SGCZ: variants seen among roughly 807,000 people sequenced by gnomAD.
SGCZ encodes the protein zeta-sarcoglycan.
In SGCZ, 40 loss-of-function variants were observed where a neutral mutation model predicts 41.3. The observed-to-expected ratio is 0.97, with a 90% CI of 0.75 to 1.26. The LOEUF is 1.26. SGCZ is among the 50% of genes most tolerant of loss of function. The probability of loss-of-function intolerance (pLI) is 0.00; values close to 1 mark genes in which losing one functional copy is unlikely to be tolerated. For synonymous variants in SGCZ, 206 were observed against 137.5 expected (o/e 1.50, Z -3.49); for missense variants, 552 against 369.8 (o/e 1.49, Z -4.04).
chr8:14,142,387 A>G (rs1243962742), intron 5 of SGCZ, among the ~76,000 whole-genome samples: 2 of 152,212 alleles, frequency 1.3e-5, no homozygotes, highest in African/African-American at 4.8e-5. Context: ...AAATTCTAAC[A>G]GGAACAGGAG....
At chr8:14,510,265 G>C (rs186356076) in intron 2 of SGCZ, among the ~76,000 whole-genome samples, 38 of 152,222 alleles carry the variant, frequency 2.5e-4, no homozygotes, top group Non-Finnish European at 5.0e-4. Flanking sequence ...TGGTGGAGTA[G>C]AAAGTAAACT....
chr8:14,761,590 A>C (rs1029264007), intron 1 of SGCZ, among the ~76,000 whole-genome samples: 5 of 149,590 alleles, frequency 3.3e-5, no homozygotes, highest in African/African-American at 1.2e-4. Flanking sequence ...GGAGTGCAGC[A>C]GCGTGGCTCA....
At chr8:14,099,159 C>G (rs2116972665) in intron 7 of SGCZ, among the ~76,000 whole-genome samples, 1 of 152,232 alleles carries the variant, frequency 6.6e-6, no homozygotes, top group South Asian at 2.1e-4. Context: ...CATAGCATTC[C>G]TGCACCTACC....
rs191426827 is a variant in SGCZ at position 15,044,070 on chromosome 8, T to C, written c.39+193515A>G. Among the ~76,000 whole-genome samples, 469 of 152,310 alleles carry C rather than the reference T, an allele frequency of 3.1e-3. 2 individuals carry two copies. The highest frequency in any genetic ancestry group is 0.017 in the Middle Eastern group (5 of 294). On this transcript the variant is annotated intron_variant, in intron 1 of 7. Coordinates refer to ENST00000382080, the MANE Select transcript of SGCZ (RefSeq NM_139167.4). Reference sequence around the variant, plus strand: ...CAAAATAAAGCTTAATTGCTATCCCTGTATTTGCATATTATTTAGATGTTG... The same window carrying C: ...CAAAATAAAGCTTAATTGCTATCCCCGTATTTGCATATTATTTAGATGTTG...
intron 3 of SGCZ, among the ~76,000 whole-genome samples, chr8:14,241,833 T>A (rs943563264): frequency 1.5e-4 from 23 of 152,234 alleles, no homozygotes; most frequent in African/African-American, 5.5e-4. Context: ...ATTTTCTAAC[T>A]GTTAGATAAA....
intron 2 of SGCZ, among the ~76,000 whole-genome samples, chr8:14,515,205 G>C (rs1270497982): frequency 6.6e-6 from 1 of 151,862 alleles, no homozygotes; most frequent in East Asian, 1.9e-4. Flanking sequence ...GAACTTCTAG[G>C]CTACTGACAT....
Position 14,816,173 on chromosome 8 carries a change from C to T in SGCZ, c.40-261247G>A, listed in dbSNP as rs894547561. Among the ~76,000 whole-genome samples, 4 of 152,164 alleles carry T rather than the reference C, an allele frequency of 2.6e-5. No homozygotes were observed. The East Asian group carries it at 5.8e-4, about 22-fold the overall frequency. ...TCGAAGATGCAGTGGGAATTAGACA[C>T]TTTCATCATCTCTCAATGCAGTCTC... On this transcript the variant is annotated intron_variant, in intron 1 of 7. Transcript: ENST00000382080.
intron 1 of SGCZ, among the ~76,000 whole-genome samples, chr8:14,899,677 C>A (rs531968134): frequency 1.3e-5 from 2 of 152,042 alleles, no homozygotes; most frequent in Non-Finnish European, 2.9e-5. Context: ...GTAATACAAT[C>A]AGGTTCTTTT....
At position 14,123,234 on chromosome 8, in the gene SGCZ, T is replaced by G. The variant is rs117137662; in HGVS notation, c.548-14999A>C. Among the ~76,000 whole-genome samples, 714 of 152,332 alleles carry G rather than the reference T, an allele frequency of 4.7e-3. 1 individual carries two copies. Among genetic ancestry groups the G allele is most frequent in the Non-Finnish European group, 7.5e-3 (511 of 68,012 alleles). On this transcript the variant is annotated intron_variant, in intron 5 of 7. Transcript: ENST00000382080. Reference sequence around the variant, plus strand: ...ACAGACTGATTCTGAAAGTTTGTTTTGATTCACTTGTCTTAAAGACCGAAA... The same window carrying G: ...ACAGACTGATTCTGAAAGTTTGTTTGGATTCACTTGTCTTAAAGACCGAAA...
At chr8:14,621,230 T>G (rs1806274472) in intron 1 of SGCZ, among the ~76,000 whole-genome samples, 1 of 133,916 alleles carries the variant, frequency 7.5e-6, no homozygotes, top group Admixed American at 9.1e-5. Context: ...AGGTGGGAAT[T>G]GAACAATGAG....
chr8:14,947,349 G>A (rs1422148256), intron 1 of SGCZ, among the ~76,000 whole-genome samples: 2 of 152,166 alleles, frequency 1.3e-5, no homozygotes, highest in Non-Finnish European at 2.9e-5. Flanking sequence ...CAGTGAGATC[G>A]ATTTAGGCTT....
intron 2 of SGCZ, among the ~76,000 whole-genome samples, chr8:14,418,757 AATAAAAAGC>A (rs1799563264): frequency 6.6e-6 from 1 of 151,952 alleles, no homozygotes; most frequent in Admixed American, 6.6e-5. Flanking sequence ...ACATACAGAA[AATAAAAAGC>A]ATTCTTTTCC....
chr8:14,223,957 T>C (rs573768248), intron 4 of SGCZ, among the ~76,000 whole-genome samples: 6 of 152,222 alleles, frequency 3.9e-5, no homozygotes, highest in South Asian at 4.1e-4. Flanking sequence ...CTCCAGTACA[T>C]AGATATTATT....
At chr8:14,459,048 T>C (rs918264128) in intron 2 of SGCZ, among the ~76,000 whole-genome samples, 2 of 152,156 alleles carry the variant, frequency 1.3e-5, no homozygotes, top group African/African-American at 4.8e-5. Context: ...AAAGACAGTA[T>C]TGGATTATAA....
intron 3 of SGCZ, among the ~76,000 whole-genome samples, chr8:14,293,066 T>A (rs1411715303): frequency 6.6e-6 from 1 of 152,026 alleles, no homozygotes; most frequent in African/African-American, 2.4e-5. Flanking sequence ...AAATGTATAT[T>A]GACCCTACAA....
intron 1 of SGCZ, among the ~76,000 whole-genome samples, chr8:14,802,766 T>A (rs1437928139): frequency 2.0e-5 from 3 of 152,126 alleles, no homozygotes; most frequent in African/African-American, 7.2e-5. Flanking sequence ...AAAAGACAAA[T>A]TGAAAAATGG....
chr8:14,418,313 A>G (rs1046836778), intron 2 of SGCZ, among the ~76,000 whole-genome samples: 4 of 151,906 alleles, frequency 2.6e-5, no homozygotes, highest in Admixed American at 2.6e-4. Flanking sequence ...AGAGTAGAAA[A>G]TGGGTTGGGT....
At chr8:14,202,133 C>A (rs562409782) in intron 4 of SGCZ, among the ~76,000 whole-genome samples, 127 of 152,220 alleles carry the variant, frequency 8.3e-4, no homozygotes, top group Non-Finnish European at 1.7e-3. Flanking sequence ...AATGTCATTA[C>A]AGAGTCCTTA....
intron 1 of SGCZ, among the ~76,000 whole-genome samples, chr8:15,173,020 C>T (rs1799890865): frequency 6.6e-6 from 1 of 152,152 alleles, no homozygotes; most frequent in Admixed American, 6.5e-5. Context: ...TGATAATTCA[C>T]TAATTATAAC....
Sources: gnomAD v4.1 joint callset for allele counts (sites outside exome capture counted in the v4.1 genomes callset) on GRCh38, gnomAD v4.1.1 for gene constraint, MANE v1.5 for transcripts, NCBI Gene and HGNC (gene_info 2026-07-23, HGNC 2026-07-21) for gene names.